ALK: variants seen among roughly 807,000 people sequenced by gnomAD.
ALK encodes ALK receptor tyrosine kinase.
Under a neutral mutation model 163.1 loss-of-function variants are expected in ALK, and 74 were observed. The ratio of observed to expected loss-of-function variants is 0.45; its 90% CI spans 0.38 to 0.55. The LOEUF (loss-of-function observed/expected upper bound fraction) is 0.55, where lower values mean the gene tolerates loss of function less well. Among genes scored for constraint, ALK ranks in the 20% least tolerant of loss-of-function variants. ALK has a pLI of 0.00. For synonymous variants in ALK, 960 were observed against 843.2 expected (o/e 1.14, Z -2.40); for missense variants, 2,063 against 2,105.3 (o/e 0.98, Z 0.39).
At chr2:29,269,744 C>G (rs1418287254) in intron 11 of ALK, among the ~76,000 whole-genome samples, 2 of 152,216 alleles carry the variant, frequency 1.3e-5, no homozygotes, top group Non-Finnish European at 2.9e-5. Flanking sequence ...ACCAGTGTCT[C>G]AAGCGGCTCC....
chr2:29,512,558 A>C (rs1672552534), intron 4 of ALK, among the ~76,000 whole-genome samples: 1 of 146,760 alleles, frequency 6.8e-6, no homozygotes, highest in Non-Finnish European at 1.5e-5. Flanking sequence ...ATGGGCAAAA[A>C]CTGGAAGCAT....
intron 20 of ALK, 140 bp downstream of exon 20, chr2:29,223,202 T>C (rs1414150185): frequency 8.4e-6 from 7 of 832,944 alleles, no homozygotes; most frequent in Admixed American, 8.1e-5. Context: ...ATGTCAAGGC[T>C]TGTCCTCCTA....
At chr2:29,221,178 G>T (rs1482962502) in intron 22 of ALK, 1 of 548,428 alleles carries the variant, frequency 1.8e-6, no homozygotes, top group East Asian at 4.0e-5. Context: ...ATTCATGGTC[G>T]ATTTCTCCCA....
At chr2:29,465,034 TC>T (rs1671175270) in intron 4 of ALK, among the ~76,000 whole-genome samples, 1 of 152,178 alleles carries the variant, frequency 6.6e-6, no homozygotes, top group Admixed American at 6.5e-5. Context: ...CACAAAGATT[TC>T]CAAATTTGTT....
chr2:29,816,410 T>G (rs1664899431), intron 1 of ALK, among the ~76,000 whole-genome samples: 1 of 152,212 alleles, frequency 6.6e-6, no homozygotes, highest in South Asian at 2.1e-4. Flanking sequence ...TTGTAAACAG[T>G]GGCCTCCTAA....
chr2:29,785,597 C>T (rs1663988120), intron 1 of ALK, among the ~76,000 whole-genome samples: 1 of 152,132 alleles, frequency 6.6e-6, no homozygotes. Context: ...GGGCATAAGT[C>T]CATGTGACTT....
At chr2:29,687,437 A>C (rs1299117774) in intron 3 of ALK, among the ~76,000 whole-genome samples, 1 of 151,748 alleles carries the variant, frequency 6.6e-6, no homozygotes, top group East Asian at 1.9e-4. Flanking sequence ...GGCTTTTTTG[A>C]CTGTGGTTGT....
intron 1 of ALK, among the ~76,000 whole-genome samples, chr2:29,820,944 ATGT>A (rs937706605): frequency 1.3e-5 from 2 of 152,094 alleles, no homozygotes; most frequent in African/African-American, 4.8e-5. Context: ...TTGGGGATAC[ATGT>A]TGTTCTCAGG....
intron 1 of ALK, among the ~76,000 whole-genome samples, chr2:29,825,099 G>A (rs2148381826): frequency 6.6e-6 from 1 of 152,264 alleles, no homozygotes; most frequent in East Asian, 1.9e-4. Context: ...CTCTTTCTTT[G>A]CCTGCTGCCA....
intron 3 of ALK, among the ~76,000 whole-genome samples, chr2:29,641,040 G>C (rs898100204): frequency 3.3e-5 from 5 of 152,154 alleles, no homozygotes; most frequent in African/African-American, 7.2e-5. Context: ...TGCTTGGCGG[G>C]GGCAGTGATG....
At position 29,692,351 on chromosome 2, in the gene ALK, C is replaced by T. The variant is rs575432847; in HGVS notation, c.952+2499G>A. 8.5e-5 allele frequency among the ~76,000 whole-genome samples: 13 copies of T among 152,266 alleles called. No individual in the cohort carries two copies. In the South Asian group the frequency reaches 2.3e-3, roughly 27 times the overall value. On this transcript the variant is annotated intron_variant, in intron 3 of 28. Transcript: ENST00000389048. ...ATGGAAGATGTTCTGACCCTCTCACCCAGCAATTCCACTCTTAGTTACATG... is the reference window on the plus strand; with the variant it reads ...ATGGAAGATGTTCTGACCCTCTCACTCAGCAATTCCACTCTTAGTTACATG...
intron 26 of ALK, among the ~76,000 whole-genome samples, chr2:29,198,631 G>A (rs6752943): frequency 0.37 from 57,019 of 152,054 alleles, 12,402 homozygotes; most frequent in East Asian, 0.74. Context: ...GTGTTACTCT[G>A]TTCATCTACC....
chr2:29,238,087 A>G (rs1303960833), intron 13 of ALK, among the ~76,000 whole-genome samples: 2 of 152,180 alleles, frequency 1.3e-5, no homozygotes, highest in Non-Finnish European at 2.9e-5. Context: ...GCCCATTTCC[A>G]GCACAGGAGC....
intron 1 of ALK, among the ~76,000 whole-genome samples, chr2:29,852,532 T>C (rs1334643744): frequency 1.3e-5 from 2 of 152,164 alleles, no homozygotes; most frequent in Admixed American, 6.5e-5. Context: ...GTGGTTGGAA[T>C]TGGATAAGCA....
chr2:29,413,530 GTTT>G (rs1558313476), intron 4 of ALK, among the ~76,000 whole-genome samples: 1 of 150,478 alleles, frequency 6.6e-6, no homozygotes, highest in East Asian at 2.0e-4. Flanking sequence ...CTTATTTATT[GTTT>G]ATTTATTTAT....
intron 1 of ALK, among the ~76,000 whole-genome samples, chr2:29,786,041 T>C (rs558114008): frequency 6.1e-4 from 93 of 152,286 alleles, no homozygotes; most frequent in African/African-American, 2.2e-3. Context: ...GTTTTCGCCA[T>C]TGTCATTTCC....
intron 4 of ALK, among the ~76,000 whole-genome samples, chr2:29,403,714 A>G (rs1473198072): frequency 1.5e-5 from 1 of 65,582 alleles, no homozygotes; most frequent in Non-Finnish European, 4.0e-5. Context: ...CTCTACAAAA[A>G]AAAAAAAAAA....
At chr2:29,447,597 T>C (rs1291406048) in intron 4 of ALK, among the ~76,000 whole-genome samples, 1 of 152,154 alleles carries the variant, frequency 6.6e-6, no homozygotes, top group Non-Finnish European at 1.5e-5. Context: ...CATCCTTCTC[T>C]CCACAGTCAG....
At chr2:29,908,931 G>A (rs1423665159) in intron 1 of ALK, among the ~76,000 whole-genome samples, 1 of 152,074 alleles carries the variant, frequency 6.6e-6, no homozygotes, top group Non-Finnish European at 1.5e-5. Context: ...ATTCAACTTG[G>A]CAAGTGCTCA....
Sources: allele counts gnomAD v4.1 joint callset (sites outside exome capture counted in the v4.1 genomes callset), GRCh38; gene constraint gnomAD v4.1.1; transcripts MANE v1.5; gene names NCBI Gene and HGNC (gene_info 2026-07-23, HGNC 2026-07-21).